ATF6: variants seen among roughly 807,000 people sequenced by gnomAD.
The protein encoded by ATF6 is activating transcription factor 6.
ATF6 carries 53 observed loss-of-function variants against 83.6 expected under a neutral mutation model. The observed-to-expected ratio is 0.63, with a 90% CI of 0.51 to 0.80. ATF6 has a LOEUF of 0.80. Among genes scored for constraint, ATF6 ranks in the 30% least tolerant of loss-of-function variants. The pLI, the probability that ATF6 is intolerant of heterozygous loss-of-function variation, is 0.00. For synonymous variants in ATF6, 288 were observed against 285.8 expected (o/e 1.01, Z -0.08); for missense variants, 744 against 797.9 (o/e 0.93, Z 0.81).
intron 13 of ATF6, among the ~76,000 whole-genome samples, chr1:161,860,579 T>A (rs1305888278): frequency 1.3e-5 from 2 of 152,034 alleles, no homozygotes; most frequent in Non-Finnish European, 2.9e-5. Context: ...TTTCTTGCCC[T>A]TGATTTGCAT....
intron 6 of ATF6, among the ~76,000 whole-genome samples, chr1:161,798,666 A>G (rs1165647465): frequency 6.6e-6 from 1 of 152,176 alleles, no homozygotes; most frequent in Non-Finnish European, 1.5e-5. Context: ...CAACAGAGGA[A>G]TAGGACAGCC....
At chr1:161,830,400 C>T (rs1332511701) in intron 9 of ATF6, among the ~76,000 whole-genome samples, 1 of 152,172 alleles carries the variant, frequency 6.6e-6, no homozygotes, top group Admixed American at 6.5e-5. Flanking sequence ...TCAATGCCAT[C>T]TCCATCAAGC....
At chr1:161,855,758 G>A (rs1686743600) in intron 12 of ATF6, among the ~76,000 whole-genome samples, 1 of 152,148 alleles carries the variant, frequency 6.6e-6, no homozygotes, top group Non-Finnish European at 1.5e-5. Context: ...TAAAGAAGGG[G>A]ATGTAACAGT....
At chr1:161,899,790 T>C (rs993385891) in intron 14 of ATF6, among the ~76,000 whole-genome samples, 11 of 152,230 alleles carry the variant, frequency 7.2e-5, no homozygotes, top group African/African-American at 2.4e-4. Context: ...CACAGAGTTA[T>C]TGAACCTATG....
chr1:161,799,828 T>G lies in ATF6; in HGVS notation c.689-2224T>G, dbSNP rs1685103341. ...TTATCTTTTTTAGCCAAGACAGATG[T>G]TCTTGACAAACAGGTGTTCTGAAGC... On this transcript the variant is annotated intron_variant, in intron 6 of 15. Coordinates refer to ENST00000367942, the MANE Select transcript of ATF6 (RefSeq NM_007348.4). 3.9e-5 allele frequency among the ~76,000 whole-genome samples: 6 copies of G among 152,208 alleles called. 1 individual carries two copies. In the South Asian group the frequency reaches 1.2e-3, roughly 31 times the overall value.
At chr1:161,893,634 A>G (rs924883021) in intron 14 of ATF6, among the ~76,000 whole-genome samples, 3 of 152,178 alleles carry the variant, frequency 2.0e-5, no homozygotes, top group Non-Finnish European at 2.9e-5. Flanking sequence ...CCTTCAAGTA[A>G]AAAGAGTTCT....
chr1:161,949,341 G>A (rs1688818435), intron 15 of ATF6, among the ~76,000 whole-genome samples: 2 of 152,328 alleles, frequency 1.3e-5, no homozygotes, highest in South Asian at 4.1e-4. Flanking sequence ...ATATTCTAGT[G>A]TGATTACTGC....
At chr1:161,839,751 T>C (rs1392747818) in intron 9 of ATF6, among the ~76,000 whole-genome samples, 1 of 152,102 alleles carries the variant, frequency 6.6e-6, no homozygotes, top group Non-Finnish European at 1.5e-5. Flanking sequence ...GGGTTAGCCA[T>C]ATGGATATCT....
intron 4 of ATF6, among the ~76,000 whole-genome samples, chr1:161,788,418 G>C (rs1299062831): frequency 6.6e-6 from 1 of 151,710 alleles, no homozygotes; most frequent in Non-Finnish European, 1.5e-5. Flanking sequence ...TTGTCTTCTT[G>C]TTTATCAGCA....
chr1:161,831,523 TAGCAAAG>T (rs1165962817), intron 9 of ATF6, among the ~76,000 whole-genome samples: 1 of 152,068 alleles, frequency 6.6e-6, no homozygotes, highest in African/African-American at 2.4e-5. Flanking sequence ...CTATTCACAA[TAGCAAAG>T]ACTTGGAACC....
rs556452415 is a variant in ATF6, at chr1:161,790,536, G to A, written c.355-872G>A. On this transcript the variant is annotated intron_variant, in intron 4 of 15. Coordinates refer to ENST00000367942, the MANE Select transcript of ATF6 (RefSeq NM_007348.4). The stretch of plus-strand genomic sequence containing the variant: ...AAGAAAATAGCACTGTTGGCTGGGT[G>A]GGGTGGTTCACGCCTGTAATCCCAG... 2.6e-5 allele frequency among the ~76,000 whole-genome samples: 4 copies of A among 152,218 alleles called. No individual in the cohort carries two copies. In the East Asian group the frequency reaches 7.7e-4, roughly 29 times the overall value.
At chr1:161,936,785 G>C (rs1688544774) in intron 15 of ATF6, among the ~76,000 whole-genome samples, 1 of 152,206 alleles carries the variant, frequency 6.6e-6, no homozygotes, top group South Asian at 2.1e-4. Flanking sequence ...GTAACCAACT[G>C]CCTGTTAAAT....
intron 9 of ATF6, chr1:161,840,360 C>T (rs1686325764): frequency 6.6e-6 from 1 of 152,158 alleles, no homozygotes; most frequent in Non-Finnish European, 1.5e-5. Context: ...TTCATCTTAA[C>T]GTAATTTCAG....
chr1:161,922,234 C>CT (rs1267790409), intron 15 of ATF6, among the ~76,000 whole-genome samples: 9 of 152,306 alleles, frequency 5.9e-5, no homozygotes, highest in Middle Eastern at 3.4e-3. Context: ...TTTTCAGTGT[C>CT]TATCAGATGA....
chr1:161,943,741 C>CA (rs1438685286), intron 15 of ATF6, among the ~76,000 whole-genome samples: 1 of 152,204 alleles, frequency 6.6e-6, no homozygotes, highest in Non-Finnish European at 1.5e-5. Context: ...CACACGCACA[C>CA]AAAAAGCCAT....
chr1:161,833,725 G>A (rs1189162063), intron 9 of ATF6, among the ~76,000 whole-genome samples: 3 of 152,100 alleles, frequency 2.0e-5, no homozygotes, highest in Non-Finnish European at 4.4e-5. Flanking sequence ...AAAAAGAAAC[G>A]AACAAAGCCT....
At chr1:161,931,580 G>GA (rs34703467) in intron 15 of ATF6, among the ~76,000 whole-genome samples, 95,998 of 151,820 alleles carry the variant, frequency 0.63, 32,084 homozygotes, top group Non-Finnish European at 0.75. Context: ...CACCCCAAAA[G>GA]AACCCATCCC....
intron 11 of ATF6, among the ~76,000 whole-genome samples, chr1:161,852,414 A>C (rs1190792164): frequency 6.6e-6 from 1 of 152,132 alleles, no homozygotes; most frequent in Admixed American, 6.6e-5. Flanking sequence ...GTGTTGAAAA[A>C]TTTGAATTTT....
At chr1:161,896,474 G>T (rs1687679333) in intron 14 of ATF6, among the ~76,000 whole-genome samples, 1 of 152,150 alleles carries the variant, frequency 6.6e-6, no homozygotes, top group South Asian at 2.1e-4. Flanking sequence ...GTCAGTAGCA[G>T]AATTTTATTA....
Sources: gnomAD v4.1 joint callset for allele counts (sites outside exome capture counted in the v4.1 genomes callset) on GRCh38, gnomAD v4.1.1 for gene constraint, MANE v1.5 for transcripts, NCBI Gene and HGNC (gene_info 2026-07-23, HGNC 2026-07-21) for gene names.